The following GPRIN3 variants were observed in gnomAD, a reference collection of about 807,000 sequenced individuals.
GPRIN3 encodes GPRIN family member 3.
In GPRIN3, 12 loss-of-function variants were observed where a neutral mutation model predicts 13.7. The observed-to-expected ratio is 0.87, with a 90% CI of 0.56 to 1.42. GPRIN3 has a LOEUF of 1.42. Among genes scored for constraint, GPRIN3 ranks in the 40% most tolerant of loss-of-function variants. The pLI, the probability that GPRIN3 is intolerant of heterozygous loss-of-function variation, is 0.00. For synonymous variants in GPRIN3, 377 were observed against 372.7 expected, an observed-to-expected ratio of 1.01 and a Z score of -0.13; for missense variants, 1,009 against 958.7, an observed-to-expected ratio of 1.05 and a Z score of -0.69.
At chr4:89,265,512 T>A (rs139150304) in intron 1 of GPRIN3, among the ~76,000 whole-genome samples, 1 of 152,234 alleles carries the variant, frequency 6.6e-6, no homozygotes, top group Non-Finnish European at 1.5e-5. Context: ...GGAATACTTA[T>A]AACTATATTT....
At chr4:89,288,898 C>A (rs1724496572) in intron 1 of GPRIN3, among the ~76,000 whole-genome samples, 1 of 152,148 alleles carries the variant, frequency 6.6e-6, no homozygotes, top group Non-Finnish European at 1.5e-5. Flanking sequence ...AGCCCACAGG[C>A]AGGCATTAGT....
rs1722896485 is a variant in GPRIN3, at chr4:89,240,579, G to T, written c.*7201C>A. 1 of 152,120 alleles carries T rather than the reference G, an allele frequency of 6.6e-6. No homozygotes were observed. Among genetic ancestry groups the T allele is most frequent in the Non-Finnish European group, 1.5e-5 (1 of 68,032 alleles). 9.4% of individuals were successfully genotyped at this position (152,120 alleles called of 1,614,324 possible). On this transcript the variant is annotated 3_prime_UTR_variant, in exon 2 of 2. Transcript: ENST00000609438. Reference sequence around the variant, plus strand: ...ACATAATCGATTTTCATCCCTGTTTGCCATTTCCAGATATGAAATTAGGTG... The same window carrying T: ...ACATAATCGATTTTCATCCCTGTTTTCCATTTCCAGATATGAAATTAGGTG...
intron 1 of GPRIN3, among the ~76,000 whole-genome samples, chr4:89,306,210 G>A (rs1725029033): frequency 6.6e-6 from 1 of 152,102 alleles, no homozygotes; most frequent in South Asian, 2.1e-4. Context: ...TTCTGCTTTG[G>A]GCTGTGACTC....
Position 89,249,307 on chromosome 4 carries a change from G to C in GPRIN3, c.804C>G (p.Thr268=), listed in dbSNP as rs760682673. Reference sequence around the variant, plus strand: ...ATGCCGAAGGTTCGCTAGTGAGGGGGGTTGGTTGAGGTGTCACAGAAGTTG... The same window carrying C: ...ATGCCGAAGGTTCGCTAGTGAGGGGCGTTGGTTGAGGTGTCACAGAAGTTG... The part of the protein sequence containing the change: ...QGTTSVTPQP[T]PLTSEPSACP... The change falls in exon 2 of 2, where the codon ACC becomes ACG. Residue 268 remains threonine, a synonymous_variant. Coordinates refer to ENST00000609438, the MANE Select transcript of GPRIN3 (RefSeq NM_198281.3). The C allele has an allele frequency of 4.3e-6, 7 of 1,613,968 alleles. No homozygotes were observed. In the African/African-American group the frequency reaches 8.0e-5, roughly 18 times the overall value.
chr4:89,307,385 C>T (rs1444074017), intron 1 of GPRIN3, among the ~76,000 whole-genome samples: 3 of 152,112 alleles, frequency 2.0e-5, no homozygotes, highest in Admixed American at 2.0e-4. Flanking sequence ...CTCCCATTTA[C>T]CTTCAAAGCC....
At chr4:89,305,648 G>T (rs1194957610) in intron 1 of GPRIN3, among the ~76,000 whole-genome samples, 2 of 152,172 alleles carry the variant, frequency 1.3e-5, no homozygotes, top group African/African-American at 4.8e-5. Flanking sequence ...CCTGCAAGCT[G>T]CAGATTTTGC....
Position 89,243,419 on chromosome 4 carries a change from C to T in GPRIN3, c.*4361G>A, listed in dbSNP as rs1020499365. On this transcript the variant is annotated 3_prime_UTR_variant, in exon 2 of 2. Transcript: ENST00000609438. Reference sequence around the variant, plus strand: ...TCTGTTATTTGCCAGGTGGCAGCAGCTGACCCGAATTTGGAGAGAATCAAC... The same window carrying T: ...TCTGTTATTTGCCAGGTGGCAGCAGTTGACCCGAATTTGGAGAGAATCAAC... The T allele has an allele frequency of 3.3e-5, 5 of 152,180 alleles. No homozygotes were observed. Among genetic ancestry groups the T allele is most frequent in the African/African-American group, 1.2e-4 (5 of 41,446 alleles). The allele number at this position is 152,180 out of a possible 1,614,324, so 9.4% of individuals were successfully genotyped here. A position where few individuals can be genotyped will look rare whatever the true frequency, so the allele number is the denominator to read the frequency against.
At chr4:89,304,949 A>G (rs1291966076) in intron 1 of GPRIN3, among the ~76,000 whole-genome samples, 1 of 152,332 alleles carries the variant, frequency 6.6e-6, no homozygotes, top group East Asian at 1.9e-4. Flanking sequence ...CCCTTTAAGC[A>G]GCCTATTGTA....
At chr4:89,294,370 G>C (rs184869486) in intron 1 of GPRIN3, among the ~76,000 whole-genome samples, 2 of 152,086 alleles carry the variant, frequency 1.3e-5, no homozygotes, top group Admixed American at 1.3e-4. Context: ...GACAAAATGA[G>C]ACCCAACTCC....
At chr4:89,265,862 CA>C (rs1336499048) in intron 1 of GPRIN3, among the ~76,000 whole-genome samples, 1 of 152,062 alleles carries the variant, frequency 6.6e-6, no homozygotes, top group Non-Finnish European at 1.5e-5. Flanking sequence ...TACTTTGTAA[CA>C]ATGTAATATA....
rs992595804 is a variant in GPRIN3, at chr4:89,246,953, T to C, written c.*827A>G. 3.3e-5 allele frequency: 5 copies of C among 152,170 alleles called. No homozygotes were observed. The highest frequency in any genetic ancestry group is 7.3e-5 in the Non-Finnish European group (5 of 68,038). The allele number at this position is 152,170 out of a possible 1,614,324, so 9.4% of individuals were successfully genotyped here. A position where few individuals can be genotyped will look rare whatever the true frequency, so the allele number is the denominator to read the frequency against. On this transcript the variant is annotated 3_prime_UTR_variant, in exon 2 of 2. Transcript: ENST00000609438. The stretch of plus-strand genomic sequence containing the variant: ...ATTATCCCTAATTTGATGGCTCTTT[T>C]CAAGAATTCAGTCCCATGTACTTCC...
chr4:89,292,176 G>T (rs1348510467), intron 1 of GPRIN3, among the ~76,000 whole-genome samples: 1 of 152,048 alleles, frequency 6.6e-6, no homozygotes, highest in Non-Finnish European at 1.5e-5. Flanking sequence ...TACATCCAAA[G>T]GCTAATCTAG....
chr4:89,251,460 T>C (rs997982105), intron 1 of GPRIN3, among the ~76,000 whole-genome samples: 1 of 152,186 alleles, frequency 6.6e-6, no homozygotes, highest in Admixed American at 6.5e-5. Context: ...TGATACCAAC[T>C]CTATCAACAG....
At chr4:89,300,703 A>T (rs1364872931) in intron 1 of GPRIN3, among the ~76,000 whole-genome samples, 1 of 152,096 alleles carries the variant, frequency 6.6e-6, no homozygotes, top group African/African-American at 2.4e-5. Context: ...ATTTTCACTC[A>T]CTTAATCAGA....
rs377270210 is a variant in GPRIN3 at position 89,249,478 on chromosome 4, G to A, written c.633C>T (p.His211=). ...TPVTAARVVS[H]SSSPVGGPEG... The stretch of plus-strand genomic sequence containing the variant: ...CAGGTCCACCTACAGGAGAGGATGA[G>A]TGACTGACCACCCTGGCTGCTGTCA... The change falls in exon 2 of 2, where the codon CAC becomes CAT. Residue 211 remains histidine, a synonymous_variant. Transcript: ENST00000609438. 5.0e-6 allele frequency: 8 copies of A among 1,613,998 alleles called. No individual in the cohort carries two copies. The Admixed American group carries it at 8.3e-5, about 17-fold the overall frequency.
chr4:89,241,265 C>T lies in GPRIN3; in HGVS notation c.*6515G>A, dbSNP rs577976456. 2.0e-5 allele frequency: 3 copies of T among 152,008 alleles called. No homozygotes were observed. The highest frequency in any genetic ancestry group is 4.2e-4 in the South Asian group (2 of 4,812). The allele number at this position is 152,008 out of a possible 1,614,324, so 9.4% of individuals were successfully genotyped here. On this transcript the variant is annotated 3_prime_UTR_variant, in exon 2 of 2. Coordinates refer to ENST00000609438, the MANE Select transcript of GPRIN3 (RefSeq NM_198281.3). ...ACCTTCAAAAATAAAAGGACAAATTCTGTTACTGAATACATGTGCACACTT... is the reference window on the plus strand; with the variant it reads ...ACCTTCAAAAATAAAAGGACAAATTTTGTTACTGAATACATGTGCACACTT...
At chr4:89,303,583 CA>C (rs1724957081) in intron 1 of GPRIN3, among the ~76,000 whole-genome samples, 1 of 151,552 alleles carries the variant, frequency 6.6e-6, no homozygotes, top group African/African-American at 2.4e-5. Flanking sequence ...GTCAAATATA[CA>C]GAGCTAGAGA....
At chr4:89,281,332 C>G (rs900269325) in intron 1 of GPRIN3, among the ~76,000 whole-genome samples, 5 of 152,140 alleles carry the variant, frequency 3.3e-5, no homozygotes, top group African/African-American at 1.2e-4. Context: ...CCATGTTGGC[C>G]AGGCTGGTCT....
chr4:89,261,019 C>T (rs1039298322), intron 1 of GPRIN3, among the ~76,000 whole-genome samples: 5 of 152,218 alleles, frequency 3.3e-5, no homozygotes, highest in South Asian at 2.1e-4. Flanking sequence ...ACACAACCCC[C>T]GCCCCCCAAT....
Sources: gnomAD v4.1 joint callset for allele counts (sites outside exome capture counted in the v4.1 genomes callset) on GRCh38, gnomAD v4.1.1 for gene constraint, MANE v1.5 for transcripts, NCBI Gene and HGNC (gene_info 2026-07-23, HGNC 2026-07-21) for gene names.